AGBL1: variants seen among roughly 807,000 people sequenced by gnomAD.
AGBL1 encodes the protein cytosolic carboxypeptidase 4.
Under a neutral mutation model 118.9 loss-of-function variants are expected in AGBL1, and 130 were observed. That is an observed-to-expected ratio of 1.09 (90% CI 0.95 to 1.26). The LOEUF is 1.26. AGBL1 is among the 50% of genes most tolerant of loss of function. The pLI is 0.00. For synonymous variants in AGBL1, 555 were observed against 478.9 expected, an observed-to-expected ratio of 1.16 and a Z score of -2.08; for missense variants, 1,584 against 1,298.1, an observed-to-expected ratio of 1.22 and a Z score of -3.38.
chr15:86,474,737 C>T (rs192791855), intron 18 of AGBL1, among the ~76,000 whole-genome samples: 84 of 152,322 alleles, frequency 5.5e-4, no homozygotes, highest in Admixed American at 2.9e-3. Context: ...GTGGTTCTCC[C>T]AGCATGGAGG....
chr15:86,361,555 C>G (rs1317068863), intron 17 of AGBL1, among the ~76,000 whole-genome samples: 1 of 151,920 alleles, frequency 6.6e-6, no homozygotes, highest in Non-Finnish European at 1.5e-5. Flanking sequence ...TTGAAGTCTC[C>G]TACTATTATT....
intron 23 of AGBL1, among the ~76,000 whole-genome samples, chr15:86,970,978 T>G (rs1172397743): frequency 6.6e-6 from 1 of 152,022 alleles, no homozygotes; most frequent in Admixed American, 6.6e-5. Flanking sequence ...TAGAGATAAT[T>G]TAAAGTATAC....
chr15:86,324,768 C>T (rs1466972409), intron 17 of AGBL1, among the ~76,000 whole-genome samples: 1 of 152,180 alleles, frequency 6.6e-6, no homozygotes, highest in Non-Finnish European at 1.5e-5. Context: ...AGGATGGCCT[C>T]TTTGAAAAGA....
chr15:86,259,391 A>G (rs2078947743), intron 9 of AGBL1, among the ~76,000 whole-genome samples: 1 of 152,244 alleles, frequency 6.6e-6, no homozygotes, highest in Non-Finnish European at 1.5e-5. Context: ...GTAAAATAAG[A>G]GTCAGTAAAT....
At chr15:86,550,005 G>C (rs1177635332) in intron 20 of AGBL1, among the ~76,000 whole-genome samples, 1 of 152,036 alleles carries the variant, frequency 6.6e-6, no homozygotes, top group Non-Finnish European at 1.5e-5. Flanking sequence ...TGGCAAGATA[G>C]TAGAGAATGA....
intron 23 of AGBL1, among the ~76,000 whole-genome samples, chr15:86,963,096 A>G (rs1386488684): frequency 6.6e-6 from 1 of 152,106 alleles, no homozygotes; most frequent in African/African-American, 2.4e-5. Flanking sequence ...GTTTGAATTC[A>G]TATATATCAG....
intron 22 of AGBL1, among the ~76,000 whole-genome samples, chr15:86,750,473 T>C (rs993554065): frequency 6.6e-6 from 1 of 152,050 alleles, no homozygotes; most frequent in Non-Finnish European, 1.5e-5. Context: ...TTTTGTCTTA[T>C]GGCTAGATCA....
intron 5 of AGBL1, among the ~76,000 whole-genome samples, chr15:86,190,508 G>A (rs2077702076): frequency 1.3e-5 from 2 of 151,680 alleles, no homozygotes; most frequent in Admixed American, 1.3e-4. Context: ...TGTCTGTTTG[G>A]TACAGCCGTG....
intron 22 of AGBL1, among the ~76,000 whole-genome samples, chr15:86,842,102 A>G (rs995600766): frequency 1.3e-5 from 2 of 152,036 alleles, no homozygotes; most frequent in African/African-American, 4.8e-5. Context: ...AGAAAAAAAT[A>G]CAATCTAAAT....
intron 1 of AGBL1, among the ~76,000 whole-genome samples, chr15:86,129,238 A>G (rs1307512073): frequency 6.6e-6 from 1 of 152,162 alleles, no homozygotes; most frequent in Admixed American, 6.6e-5. Flanking sequence ...ATAGAATGAA[A>G]CTTGCTAAAT....
At chr15:86,315,150 A>C (rs1207967504) in intron 17 of AGBL1, among the ~76,000 whole-genome samples, 1 of 152,196 alleles carries the variant, frequency 6.6e-6, no homozygotes, top group Non-Finnish European at 1.5e-5. Context: ...CATTTTATAC[A>C]ATGCCATTTT....
chr15:86,852,447 C>T (rs754446183), intron 22 of AGBL1, among the ~76,000 whole-genome samples: 8 of 152,122 alleles, frequency 5.3e-5, no homozygotes, highest in Admixed American at 1.3e-4. Flanking sequence ...CAGTCCATTT[C>T]CTGAGAGTCT....
chr15:86,089,543 C>T (rs973580089), intron 1 of AGBL1, among the ~76,000 whole-genome samples: 2 of 152,192 alleles, frequency 1.3e-5, no homozygotes, highest in Non-Finnish European at 2.9e-5. Context: ...TCAGATTTCA[C>T]AGACACAGCA....
intron 22 of AGBL1, among the ~76,000 whole-genome samples, chr15:86,801,853 G>A (rs1325492298): frequency 6.6e-6 from 1 of 152,096 alleles, no homozygotes; most frequent in Non-Finnish European, 1.5e-5. Flanking sequence ...TGTGCCCTCT[G>A]GAGAGAGCTG....
intron 24 of AGBL1, among the ~76,000 whole-genome samples, chr15:87,005,594 A>G (rs917193113): frequency 1.2e-4 from 18 of 152,128 alleles, no homozygotes; most frequent in African/African-American, 4.3e-4. Flanking sequence ...CATTTGTCTA[A>G]TCTTTTTTCA....
intron 4 of AGBL1, among the ~76,000 whole-genome samples, chr15:86,156,689 T>G (rs1219561139): frequency 1.3e-5 from 2 of 152,184 alleles, no homozygotes; most frequent in African/African-American, 4.8e-5. Context: ...AATAGTAGAA[T>G]GAGTACAGAT....
intron 23 of AGBL1, among the ~76,000 whole-genome samples, chr15:86,960,390 C>A (rs184446415): frequency 1.1e-3 from 164 of 151,958 alleles, no homozygotes; most frequent in African/African-American, 3.9e-3. Flanking sequence ...TGAAATGAGC[C>A]AAATCCACCA....
At chr15:87,018,492 A>T (rs2701378) in intron 24 of AGBL1, among the ~76,000 whole-genome samples, 92,912 of 151,378 alleles carry the variant, frequency 0.61, 29,009 homozygotes, top group South Asian at 0.73. Context: ...CAACCCAGAA[A>T]TTTATGTCTG....
At chr15:86,537,987 G>A (rs189263819) in intron 19 of AGBL1, among the ~76,000 whole-genome samples, 92 of 152,244 alleles carry the variant, frequency 6.0e-4, no homozygotes, top group African/African-American at 2.2e-3. Flanking sequence ...ATTTACAGGC[G>A]CTCTTTCATT....
Sources: allele counts gnomAD v4.1 joint callset (sites outside exome capture counted in the v4.1 genomes callset), GRCh38; gene constraint gnomAD v4.1.1; transcripts MANE v1.5; gene names NCBI Gene and HGNC (gene_info 2026-07-23, HGNC 2026-07-21).